The following MCPH1 variants were observed in gnomAD, a reference collection of about 807,000 sequenced individuals.
The protein encoded by MCPH1 is microcephalin.
MCPH1 carries 104 observed loss-of-function variants against 84.5 expected under a neutral mutation model. The ratio of observed to expected loss-of-function variants is 1.23; its 90% CI spans 1.05 to 1.45. The LOEUF is 1.45. MCPH1 is among the 40% of genes most tolerant of loss of function. The pLI is 0.00. For synonymous variants in MCPH1, 514 were observed against 366.8 expected, an observed-to-expected ratio of 1.40 and a Z score of -4.58; for missense variants, 1,498 against 1,005.7, an observed-to-expected ratio of 1.49 and a Z score of -6.62.
intron 8 of MCPH1, among the ~76,000 whole-genome samples, chr8:6,454,311 T>A (rs555542308): frequency 6.6e-6 from 1 of 152,318 alleles, no homozygotes; most frequent in East Asian, 1.9e-4. Flanking sequence ...AACAGTGCAG[T>A]TTGGCTATCA....
chr8:6,463,415 T>C (rs2916737), intron 9 of MCPH1, among the ~76,000 whole-genome samples: 42,694 of 152,088 alleles, frequency 0.28, 7,859 homozygotes, highest in African/African-American at 0.51. Context: ...GATTGAGTTT[T>C]CTATTTCTCA....
intron 3 of MCPH1, among the ~76,000 whole-genome samples, chr8:6,415,716 A>G (rs377024499): frequency 2.0e-5 from 3 of 152,254 alleles, no homozygotes; most frequent in African/African-American, 2.4e-5. Context: ...CGAGTCCTGT[A>G]ACTTGTTTTT....
intron 9 of MCPH1, among the ~76,000 whole-genome samples, chr8:6,457,664 C>T (rs1204287833): frequency 6.6e-6 from 1 of 152,154 alleles, no homozygotes; most frequent in African/African-American, 2.4e-5. Flanking sequence ...TGGCCAGCAG[C>T]TCCCGACCCC....
chr8:6,455,219 T>C lies in MCPH1; in HGVS notation c.1902T>C (p.His634=), dbSNP rs1170105043. The C allele has an allele frequency of 1.2e-6, 2 of 1,613,874 alleles. No individual in the cohort carries two copies. Among genetic ancestry groups the C allele is most frequent in the Admixed American group, 3.3e-5 (2 of 60,004 alleles). The change falls in exon 9 of 14, where the codon CAT becomes CAC. Residue 634 remains histidine, a synonymous_variant. Transcript: ENST00000344683. ...CDGFKDLIKP[H]EELKKSGRGK... is the part of the protein sequence containing the mutation. Reference sequence around the variant, plus strand: ...GCTTTAAGGACCTCATCAAACCTCATGAGGAATTGAAGAAAAGTGGGAGAG... The same window carrying C: ...GCTTTAAGGACCTCATCAAACCTCACGAGGAATTGAAGAAAAGTGGGAGAG...
At chr8:6,446,655 T>G in intron 8 of MCPH1, 1 of 983,372 alleles carries the variant, frequency 1.0e-6, no homozygotes, top group Non-Finnish European at 1.2e-6. Flanking sequence ...AATAGATGTG[T>G]AAAATTCTTT....
chr8:6,465,098 T>C (rs1806710660), intron 9 of MCPH1, among the ~76,000 whole-genome samples: 1 of 152,194 alleles, frequency 6.6e-6, no homozygotes, highest in Admixed American at 6.5e-5. Flanking sequence ...TGCTAGCTCC[T>C]AAGGTCTATC....
intron 12 of MCPH1, among the ~76,000 whole-genome samples, chr8:6,571,159 A>G (rs55959962): frequency 0.12 from 17,711 of 152,218 alleles, 1,252 homozygotes; most frequent in African/African-American, 0.2. Flanking sequence ...TCACAACATT[A>G]AAAGGGAGTG....
chr8:6,578,040 G>A (rs548383626), intron 12 of MCPH1, among the ~76,000 whole-genome samples: 1 of 152,300 alleles, frequency 6.6e-6, no homozygotes, highest in Admixed American at 6.5e-5. Flanking sequence ...TGCTATGTTT[G>A]GGGAGAGCCT....
chr8:6,440,299 C>G (rs1467371978), intron 6 of MCPH1, among the ~76,000 whole-genome samples: 1 of 152,120 alleles, frequency 6.6e-6, no homozygotes, highest in Non-Finnish European at 1.5e-5. Context: ...GCTTCCCACC[C>G]CGACTTTTTA....
At chr8:6,553,264 A>T (rs1401198977) in intron 12 of MCPH1, among the ~76,000 whole-genome samples, 1 of 152,144 alleles carries the variant, frequency 6.6e-6, no homozygotes, top group African/African-American at 2.4e-5. Context: ...AAACTGCTCT[A>T]AAAAACATAG....
chr8:6,611,674 A>G (rs951792474), intron 12 of MCPH1, among the ~76,000 whole-genome samples: 2 of 151,982 alleles, frequency 1.3e-5, no homozygotes, highest in African/African-American at 2.4e-5. Context: ...GCTGGAGTGC[A>G]GTGGCGCCAT....
intron 3 of MCPH1, among the ~76,000 whole-genome samples, chr8:6,429,271 C>G (rs1445385397): frequency 1.3e-5 from 2 of 152,210 alleles, no homozygotes; most frequent in Admixed American, 6.5e-5. Context: ...CAGAGCTTCT[C>G]AGGCTCCACT....
At chr8:6,500,283 A>G (rs1188568086) in intron 12 of MCPH1, 1 of 225,558 alleles carries the variant, frequency 4.4e-6, no homozygotes, top group Non-Finnish European at 8.9e-6. Flanking sequence ...AGGTATAAAG[A>G]TTATGGCTTG....
At chr8:6,489,852 T>A (rs2129560925) in intron 11 of MCPH1, among the ~76,000 whole-genome samples, 1 of 152,256 alleles carries the variant, frequency 6.6e-6, no homozygotes. Context: ...GAAAAAAAAT[T>A]TAAAAAGTAA....
intron 12 of MCPH1, among the ~76,000 whole-genome samples, chr8:6,532,805 C>G (rs761242058): frequency 2.9e-4 from 44 of 152,204 alleles, no homozygotes; most frequent in Non-Finnish European, 5.6e-4. Context: ...GCCACAGGGA[C>G]TGCTGGGTGC....
At chr8:6,605,054 T>C (rs60458405) in intron 12 of MCPH1, among the ~76,000 whole-genome samples, 2,661 of 152,180 alleles carry the variant, frequency 0.017, 87 homozygotes, top group African/African-American at 0.061. Context: ...GACAGGACCC[T>C]ATGTCCCTCC....
At chr8:6,533,325 A>T (rs1050582531) in intron 12 of MCPH1, among the ~76,000 whole-genome samples, 1 of 152,222 alleles carries the variant, frequency 6.6e-6, no homozygotes, top group Non-Finnish European at 1.5e-5. Context: ...GTAAAATTAC[A>T]TGATTATGTA....
chr8:6,535,518 A>G (rs1470840527), intron 12 of MCPH1, among the ~76,000 whole-genome samples: 1 of 152,236 alleles, frequency 6.6e-6, no homozygotes, highest in Non-Finnish European at 1.5e-5. Context: ...GTGTCCATTT[A>G]TGTTAATCTT....
At chr8:6,477,834 T>G (rs1461950031) in intron 10 of MCPH1, among the ~76,000 whole-genome samples, 4 of 152,234 alleles carry the variant, frequency 2.6e-5, no homozygotes, top group African/African-American at 4.8e-5. Context: ...CTGGGGTTGT[T>G]TAGGCAGCAT....
Sources: allele counts gnomAD v4.1 joint callset (sites outside exome capture counted in the v4.1 genomes callset), GRCh38; gene constraint gnomAD v4.1.1; transcripts MANE v1.5; gene names NCBI Gene and HGNC (gene_info 2026-07-23, HGNC 2026-07-21).